The following RELN variants were observed in gnomAD, a reference collection of about 807,000 sequenced individuals.
The protein encoded by RELN is reelin.
In RELN, 108 loss-of-function variants were observed where a neutral mutation model predicts 427.6. The ratio of observed to expected loss-of-function variants is 0.25; its 90% CI spans 0.22 to 0.30. The LOEUF is 0.30. Among genes scored for constraint, RELN ranks in the 10% least tolerant of loss-of-function variants. The pLI is 1.00. For synonymous variants in RELN, 1,524 were observed against 1,513.4 expected (o/e 1.01, Z -0.16); for missense variants, 3,715 against 4,302.8 (o/e 0.86, Z 3.82).
At position 103,654,149 on chromosome 7, in the gene RELN, T is replaced by A; in HGVS notation, c.1498A>T (p.Ile500Phe). 2 of 1,611,142 alleles carry A rather than the reference T, an allele frequency of 1.2e-6. No homozygotes were observed. The highest frequency in any genetic ancestry group is 1.7e-6 in the Non-Finnish European group (2 of 1,177,786). Residue 500 changes from isoleucine (I) to phenylalanine (F), a missense_variant, in exon 13 of 65, where the codon ATT (isoleucine) becomes TTT (phenylalanine). Transcript: ENST00000428762. ...GTTATATGCTCTTTTCTTCCTTCAATTTTTGCATACAGGATTATGTCATTT... is the reference window on the plus strand; with the variant it reads ...GTTATATGCTCTTTTCTTCCTTCAAATTTTGCATACAGGATTATGTCATTT... ...HENDIILYAK[I>F]EGRKEHITLD...
chr7:103,807,425 A>G (rs529301992), intron 3 of RELN, among the ~76,000 whole-genome samples: 1 of 152,154 alleles, frequency 6.6e-6, no homozygotes, highest in Non-Finnish European at 1.5e-5. Flanking sequence ...CTATTTGCTG[A>G]AAGTCCATTC....
intron 40 of RELN, 55 bp from the exon 41 acceptor site, chr7:103,551,351 A>G: frequency 8.3e-7 from 1 of 1,200,026 alleles, no homozygotes; most frequent in South Asian, 1.3e-5. Context: ...AAGCCTTGAA[A>G]TGATTCACCA....
At chr7:103,894,213 T>G (rs1328500688) in intron 2 of RELN, among the ~76,000 whole-genome samples, 2 of 152,184 alleles carry the variant, frequency 1.3e-5, no homozygotes, top group Non-Finnish European at 1.5e-5. Flanking sequence ...CCCTATCTTT[T>G]GAACAATTCA....
At chr7:103,734,061 T>C (rs1790430451) in intron 6 of RELN, among the ~76,000 whole-genome samples, 1 of 152,142 alleles carries the variant, frequency 6.6e-6, no homozygotes, top group African/African-American at 2.4e-5. Context: ...GTGGTTCAAT[T>C]TTCTTTAGGC....
chr7:103,519,608 G>T (rs1197086493), intron 48 of RELN, 92 bp from the exon 49 acceptor site: 4 of 926,316 alleles, frequency 4.3e-6, no homozygotes, highest in East Asian at 2.6e-5. Context: ...TTTGAGACAG[G>T]GTCTTGCTCT....
At chr7:103,939,513 G>A (rs1796063943) in intron 1 of RELN, among the ~76,000 whole-genome samples, 1 of 152,020 alleles carries the variant, frequency 6.6e-6, no homozygotes, top group Non-Finnish European at 1.5e-5. Flanking sequence ...AAATGAACCA[G>A]TATTAGAATA....
In RELN at chr7:103,557,060, T is replaced by C. The variant is rs141679923; in HGVS notation, c.5714A>G (p.Asn1905Ser). The C allele has an allele frequency of 5.0e-6, 8 of 1,613,436 alleles. No homozygotes were observed. In the African/African-American group the frequency reaches 5.3e-5, roughly 11 times the overall value. The change falls in exon 38 of 65, where the codon AAT (asparagine) becomes AGT (serine). Residue 1905 changes from asparagine (N) to serine (S), a missense_variant. This residue lies in a region of RELN where 2,208 missense variants were observed against 2,361.7 expected (regional missense o/e 0.93). Transcript: ENST00000428762. ...MDEFYFPQTT[N>S]ILFINVPLPY... ...CAAGGGAACATTGATGAAAAGTATA[T>C]TCGTTGTTTGAGGAAAGTAAAATTC... is the stretch of plus-strand genomic sequence containing the variant.
At chr7:103,630,847 TTTTG>T (rs1562930867) in intron 19 of RELN, among the ~76,000 whole-genome samples, 10 of 71,302 alleles carry the variant, frequency 1.4e-4, no homozygotes, top group East Asian at 8.3e-4. Context: ...TGAGTTATTT[TTTTG>T]TTTTTTTTGT....
chr7:103,716,636 C>T (rs538715763), intron 8 of RELN, among the ~76,000 whole-genome samples: 1 of 152,260 alleles, frequency 6.6e-6, no homozygotes, highest in Non-Finnish European at 1.5e-5. Context: ...CTAACCTAAC[C>T]TAGGAATTCA....
chr7:103,533,432 C>T (rs955062851), intron 46 of RELN, among the ~76,000 whole-genome samples: 3 of 152,084 alleles, frequency 2.0e-5, no homozygotes, highest in East Asian at 3.9e-4. Context: ...TATGTTTACT[C>T]ATGTTCGAAA....
At chr7:103,717,742 A>G (rs761792093) in intron 8 of RELN, among the ~76,000 whole-genome samples, 8 of 152,098 alleles carry the variant, frequency 5.3e-5, no homozygotes, top group Non-Finnish European at 1.0e-4. Flanking sequence ...ATTTCATAAT[A>G]AGTTCCCCAA....
intron 2 of RELN, among the ~76,000 whole-genome samples, chr7:103,902,481 A>C (rs1177256801): frequency 6.6e-6 from 1 of 152,118 alleles, no homozygotes; most frequent in Non-Finnish European, 1.5e-5. Flanking sequence ...TAACATAATT[A>C]ACTTGATAAT....
intron 2 of RELN, among the ~76,000 whole-genome samples, chr7:103,859,677 C>T (rs1305354087): frequency 6.6e-6 from 1 of 152,162 alleles, no homozygotes; most frequent in Non-Finnish European, 1.5e-5. Flanking sequence ...ACATGGCACA[C>T]ACTATATCCA....
intron 8 of RELN, among the ~76,000 whole-genome samples, chr7:103,716,282 A>T (rs1789936446): frequency 6.6e-6 from 1 of 152,178 alleles, no homozygotes; most frequent in South Asian, 2.1e-4. Context: ...TCTGTTAATC[A>T]GCAATGTTTA....
intron 1 of RELN, among the ~76,000 whole-genome samples, chr7:103,966,154 A>C (rs530361335): frequency 6.6e-6 from 1 of 152,370 alleles, no homozygotes; most frequent in South Asian, 2.1e-4. Context: ...TATAATATTA[A>C]ACACCAAAAT....
intron 46 of RELN, among the ~76,000 whole-genome samples, chr7:103,531,125 T>C (rs946992764): frequency 2.6e-5 from 4 of 152,230 alleles, no homozygotes; most frequent in African/African-American, 9.6e-5. Flanking sequence ...ATAATTTTCA[T>C]TTTTAGTAAA....
chr7:103,846,000 C>T (rs1285561266), intron 2 of RELN, among the ~76,000 whole-genome samples: 1 of 152,202 alleles, frequency 6.6e-6, no homozygotes, highest in Non-Finnish European at 1.5e-5. Context: ...AATGGCCATA[C>T]TGCTCAAAGT....
intron 24 of RELN, among the ~76,000 whole-genome samples, chr7:103,599,029 C>A (rs1000060066): frequency 6.6e-6 from 1 of 152,152 alleles, no homozygotes; most frequent in Admixed American, 6.5e-5. Flanking sequence ...AAATGATTTA[C>A]TGCTTTAAGG....
In RELN at chr7:103,570,369, T is replaced by C. The variant is rs142078737; in HGVS notation, c.4588+1815A>G. Among the ~76,000 whole-genome samples the C allele has an allele frequency of 2.6e-4, 40 of 152,340 alleles. No individual in the cohort carries two copies. The East Asian group carries it at 7.5e-3, about 29-fold the overall frequency. ...GAAGGGTTATGCACAAAAATGTCCT[T>C]TAAATTTCAATGTATCAAATGTCAC... On this transcript the variant is annotated intron_variant, in intron 31 of 64. Transcript: ENST00000428762.
Sources: allele counts gnomAD v4.1 joint callset (sites outside exome capture counted in the v4.1 genomes callset), GRCh38; gene constraint gnomAD v4.1.1; regional missense constraint gnomAD v4.1.1; transcripts MANE v1.5; gene names NCBI Gene and HGNC (gene_info 2026-07-23, HGNC 2026-07-21).